The following SEMA3D variants were observed in gnomAD, a reference collection of about 807,000 sequenced individuals.
The protein encoded by SEMA3D is semaphorin 3D.
Under a neutral mutation model 100.1 loss-of-function variants are expected in SEMA3D, and 84 were observed. That is an observed-to-expected ratio of 0.84 (90% CI 0.70 to 1.01). The LOEUF is 1.01. Ranked by LOEUF, SEMA3D falls within the 50% of genes least tolerant of loss-of-function variation. SEMA3D has a pLI of 0.00. For synonymous variants in SEMA3D, 312 were observed against 320.7 expected (o/e 0.97, Z 0.29); for missense variants, 875 against 934.1 (o/e 0.94, Z 0.82).
intron 5 of SEMA3D, among the ~76,000 whole-genome samples, chr7:85,073,492 C>T (rs1202049881): frequency 6.6e-6 from 1 of 151,984 alleles, no homozygotes; most frequent in African/African-American, 2.4e-5. Flanking sequence ...TCAAGAGATC[C>T]TCCTTACTCA....
intron 1 of SEMA3D, among the ~76,000 whole-genome samples, chr7:85,170,795 T>C (rs546883680): frequency 6.6e-5 from 10 of 152,130 alleles, no homozygotes; most frequent in African/African-American, 2.4e-4. Flanking sequence ...CTATCAACTA[T>C]GGAATAAAAT....
rs558196487 is a variant in SEMA3D, at chr7:85,059,952, A to G, written c.719-4093T>C. ...CAGGTATGGCTATTTGAAATGGCCA[A>G]TAGGTAGGCTATGATACTAGTCTAC... On this transcript the variant is annotated intron_variant, in intron 8 of 18. Transcript: ENST00000284136. Among the ~76,000 whole-genome samples the G allele has an allele frequency of 4.3e-4, 66 of 152,330 alleles. No homozygotes were observed. In the South Asian group the frequency reaches 5.4e-3, roughly 12 times the overall value.
At chr7:85,043,503 T>C (rs906163370) in intron 9 of SEMA3D, among the ~76,000 whole-genome samples, 5 of 152,156 alleles carry the variant, frequency 3.3e-5, no homozygotes, top group Non-Finnish European at 7.3e-5. Context: ...AATTACACGA[T>C]AAACAGAATT....
chr7:85,040,570 C>T (rs556089482), intron 11 of SEMA3D, 103 bp downstream of exon 11: 10 of 642,166 alleles, frequency 1.6e-5, no homozygotes, highest in South Asian at 1.1e-4. Context: ...AAAAAGTTTA[C>T]GATATGCTAC....
At chr7:85,000,482 C>T (rs1431013092) in intron 18 of SEMA3D, among the ~76,000 whole-genome samples, 10 of 152,054 alleles carry the variant, frequency 6.6e-5, no homozygotes, top group Admixed American at 6.6e-4. Flanking sequence ...GTCTTTTGGA[C>T]GTTAGAGCTG....
At chr7:85,009,136 A>G (rs1166350415) in intron 17 of SEMA3D, among the ~76,000 whole-genome samples, 1 of 151,730 alleles carries the variant, frequency 6.6e-6, no homozygotes, top group Non-Finnish European at 1.5e-5. Context: ...AATAGTTAAA[A>G]TAGCTTCTTA....
intron 12 of SEMA3D, among the ~76,000 whole-genome samples, chr7:85,023,758 A>G (rs1269254183): frequency 1.3e-5 from 2 of 151,946 alleles, no homozygotes; most frequent in African/African-American, 4.8e-5. Context: ...TAGTCCCAAT[A>G]TTTGACTTTG....
intron 12 of SEMA3D, among the ~76,000 whole-genome samples, chr7:85,035,462 G>A (rs986934650): frequency 6.6e-6 from 1 of 151,972 alleles, no homozygotes; most frequent in Non-Finnish European, 1.5e-5. Flanking sequence ...AGGACGTTAT[G>A]TTGAGTGAAA....
At chr7:85,247,142 C>A in the SEMA3D span, among the ~76,000 whole-genome samples, 1 of 151,950 alleles carries the variant, frequency 6.6e-6, no homozygotes, top group Non-Finnish European at 1.5e-5. Context: ...AAGTTACATC[C>A]TGCCTATATT....
In SEMA3D at chr7:84,999,511, C is replaced by T; in HGVS notation, c.2263G>A (p.Glu755Lys). 6.2e-7 allele frequency: 1 copy of T among 1,614,086 alleles called. No homozygotes were observed. The highest frequency in any genetic ancestry group is 8.5e-7 in the Non-Finnish European group (1 of 1,180,018). Reference protein sequence around the residue: ...KGGPKWKHMQEMKKKRNRRHH... With the variant: ...KGGPKWKHMQKMKKKRNRRHH... ...CTTCGATTTCGTTTCTTCTTCATTTCCTGCATGTGCTTCCACTTTGGGCCC... is the reference window on the plus strand; with the variant it reads ...CTTCGATTTCGTTTCTTCTTCATTTTCTGCATGTGCTTCCACTTTGGGCCC... The change falls in exon 19 of 19, where the codon GAA (glutamate) becomes AAA (lysine). Residue 755 changes from glutamate to lysine, a missense_variant. By Grantham distance (56) the Glu-to-Lys change is moderately conservative. Transcript: ENST00000284136.
At chr7:85,155,077 C>T (rs985582332) in intron 1 of SEMA3D, among the ~76,000 whole-genome samples, 2 of 151,984 alleles carry the variant, frequency 1.3e-5, no homozygotes, top group Non-Finnish European at 2.9e-5. Flanking sequence ...AAAAAATTCA[C>T]ACATGCAGAA....
chr7:85,019,102 A>G (rs1790184701), intron 14 of SEMA3D, among the ~76,000 whole-genome samples: 1 of 151,764 alleles, frequency 6.6e-6, no homozygotes, highest in Admixed American at 6.6e-5. Context: ...CAAATTATAT[A>G]CATACAATAT....
intron 14 of SEMA3D, among the ~76,000 whole-genome samples, chr7:85,018,779 G>C (rs1562784874): frequency 6.6e-6 from 1 of 151,592 alleles, no homozygotes; most frequent in African/African-American, 2.4e-5. Context: ...ACACAATACT[G>C]GTGCACATGA....
intron 16 of SEMA3D, 40 bp from the exon 17 acceptor site, chr7:85,012,886 G>A (rs1584523184): frequency 1.3e-6 from 2 of 1,493,154 alleles, no homozygotes; most frequent in African/African-American, 2.8e-5. Flanking sequence ...CTTCAAGCAT[G>A]ATTACCATCA....
intron 2 of SEMA3D, among the ~76,000 whole-genome samples, chr7:85,147,658 A>AT (rs1790255587): frequency 6.6e-6 from 1 of 151,930 alleles, no homozygotes; most frequent in African/African-American, 2.4e-5. Flanking sequence ...TTAAGAATCA[A>AT]TTTTTTCAAG....
chr7:85,196,726 G>C, the SEMA3D span, among the ~76,000 whole-genome samples: 1 of 152,072 alleles, frequency 6.6e-6, no homozygotes, highest in Non-Finnish European at 1.5e-5. Context: ...TTTATAAAAG[G>C]ATATTCAAAA....
intron 4 of SEMA3D, among the ~76,000 whole-genome samples, chr7:85,090,910 T>A (rs1444505086): frequency 2.6e-5 from 4 of 152,078 alleles, no homozygotes; most frequent in Non-Finnish European, 5.9e-5. Flanking sequence ...TTTAGGTTAG[T>A]TATTTTCACA....
chr7:85,246,998 T>C, the SEMA3D span, among the ~76,000 whole-genome samples: 65 of 151,800 alleles, frequency 4.3e-4, no homozygotes, highest in East Asian at 6.2e-3. Flanking sequence ...AAAAATTTGG[T>C]AAAATAATTT....
chr7:85,061,225 A>G (rs1179420063), intron 8 of SEMA3D, among the ~76,000 whole-genome samples: 1 of 152,100 alleles, frequency 6.6e-6, no homozygotes, highest in African/African-American at 2.4e-5. Flanking sequence ...TCCTCCTCGT[A>G]AGGTATTTGC....
Sources: allele counts gnomAD v4.1 joint callset (sites outside exome capture counted in the v4.1 genomes callset), GRCh38; gene constraint gnomAD v4.1.1; transcripts MANE v1.5; gene names NCBI Gene and HGNC (gene_info 2026-07-23, HGNC 2026-07-21).